The following INF2 variants were observed in gnomAD, a reference collection of about 807,000 sequenced individuals.
INF2 encodes the protein inverted formin 2.
INF2 carries 43 observed loss-of-function variants against 123.5 expected under a neutral mutation model. The ratio of observed to expected loss-of-function variants is 0.35; its 90% CI spans 0.27 to 0.45. The LOEUF (loss-of-function observed/expected upper bound fraction) is 0.45. Ranked by LOEUF, INF2 falls within the 20% of genes least tolerant of loss-of-function variation. The probability of loss-of-function intolerance (pLI) is 1.00; values close to 1 mark genes in which losing one functional copy is unlikely to be tolerated. For synonymous variants in INF2, 851 were observed against 745.0 expected, an observed-to-expected ratio of 1.14 and a Z score of -2.32; for missense variants, 1,453 against 1,682.7, an observed-to-expected ratio of 0.86 and a Z score of 2.39.
chr14:104,701,773 G>T lies in INF2; in HGVS notation c.391+17G>T. ...TCTCCCAGGGTGAGCCGCAGTGTGGGAGGGCCGCCCAGGCGGACGCTGGGG... is the reference window on the plus strand; with the variant it reads ...TCTCCCAGGGTGAGCCGCAGTGTGGTAGGGCCGCCCAGGCGGACGCTGGGG... On this transcript the variant is annotated intron_variant, in intron 2 of 22. Coordinates refer to ENST00000392634, the MANE Select transcript of INF2 (RefSeq NM_022489.4). 6.8e-7 allele frequency: 1 copy of T among 1,478,494 alleles called. No homozygotes were observed. The allele number at this position is 1,478,494 out of a possible 1,614,324, so 91.6% of individuals were successfully genotyped here.
At chr14:104,695,605 C>CCAGTGACCCCTCCTCT (rs1889155196) in intron 1 of INF2, among the ~76,000 whole-genome samples, 1 of 152,164 alleles carries the variant, frequency 6.6e-6, no homozygotes, top group Non-Finnish European at 1.5e-5. Flanking sequence ...ACCCCTCCTC[C>CCAGTGACCCCTCCTCT]CAGTGAGCCG....
chr14:104,681,441 C>T (rs1041399729), exon 1 of INF2: 2 of 589,554 alleles, frequency 3.4e-6, no homozygotes, highest in African/African-American at 3.8e-5. Flanking sequence ...AGAGCTGGGG[C>T]AGCGTCTAGG....
intron 22 of INF2, 129 bp from the exon 23 acceptor site, chr14:104,718,666 C>T (rs1215755482): frequency 8.0e-6 from 12 of 1,496,154 alleles, no homozygotes; most frequent in South Asian, 6.2e-5. Context: ...AGTGGACCTG[C>T]GATGCATGGC....
chr14:104,717,406 G>A (rs1179996729), intron 22 of INF2, among the ~76,000 whole-genome samples: 2 of 151,880 alleles, frequency 1.3e-5, no homozygotes, highest in Non-Finnish European at 2.9e-5. Flanking sequence ...GGCGCTTCAC[G>A]TCCACATGCT....
At chr14:104,695,971 T>C (rs1033752561) in intron 1 of INF2, among the ~76,000 whole-genome samples, 15 of 152,218 alleles carry the variant, frequency 9.9e-5, no homozygotes, top group African/African-American at 3.4e-4. Flanking sequence ...TTGATCATTT[T>C]GCTTGCTTTC....
In INF2 at chr14:104,714,595, G is replaced by T. The variant is rs1181929116; in HGVS notation, c.3433G>T (p.Ala1145Ser). 1 of 1,612,618 alleles carries T rather than the reference G, an allele frequency of 6.2e-7. No homozygotes were observed. The highest frequency in any genetic ancestry group is 1.7e-5 in the Admixed American group (1 of 60,024). ...TSLLGVLQAE[A>S]DSTSEGLEDA... ...CTTGCTGGGCGTCCTCCAGGCCGAG[G>T]CCGACAGCACAAGTGAGGGGCTGGA... is the stretch of plus-strand genomic sequence containing the variant. Residue 1145 changes from alanine (A) to serine (S), a missense_variant, in exon 21 of 23, where the codon GCC becomes TCC. Physicochemically the swap from Ala to Ser is moderately conservative, Grantham distance 99 (BLOSUM62 1). Transcript: ENST00000392634.
chr14:104,700,064 C>T (rs1232211804), intron 1 of INF2, among the ~76,000 whole-genome samples: 1 of 152,116 alleles, frequency 6.6e-6, no homozygotes, highest in Non-Finnish European at 1.5e-5. Flanking sequence ...TCTCCCAAGG[C>T]AGGAGGGGAG....
upstream of INF2, among the ~76,000 whole-genome samples, chr14:104,688,392 C>T (rs1888749613): frequency 6.6e-6 from 1 of 152,224 alleles, no homozygotes. Context: ...ACGCAGCTGG[C>T]CTCAAAGCAG....
chr14:104,716,966 A>G (rs111773855), intron 22 of INF2, among the ~76,000 whole-genome samples: 1,740 of 152,352 alleles, frequency 0.011, 36 homozygotes, highest in African/African-American at 0.04. Flanking sequence ...TGCTGGGATT[A>G]CAGGCGTGAG....
chr14:104,721,627 C>T lies in INF2; in HGVS notation c.*2834C>T, dbSNP rs1013761304. 1 of 153,322 alleles carries T rather than the reference C, an allele frequency of 6.5e-6. No individual in the cohort carries two copies. Among genetic ancestry groups the T allele is most frequent in the Non-Finnish European group, 1.5e-5 (1 of 68,776 alleles). 9.5% of individuals were successfully genotyped at this position (153,322 alleles called of 1,614,324 possible). A position where few individuals can be genotyped will look rare whatever the true frequency, so the allele number is the denominator to read the frequency against. On this transcript the variant is annotated 3_prime_UTR_variant, in exon 23 of 23. Transcript: ENST00000392634. The stretch of plus-strand genomic sequence containing the variant: ...GTTAAATAGCTCCACTCCTCCCCCT[C>T]CCCACCCTCCACAGAACTGCCAGTA...
chr14:104,718,423 C>T (rs1235754409), intron 22 of INF2, among the ~76,000 whole-genome samples: 4 of 150,740 alleles, frequency 2.7e-5, no homozygotes, highest in East Asian at 3.9e-4. Context: ...CAGGGCCCGA[C>T]GTGGAAGCAA....
At chr14:104,682,365 A>G (rs1354552648) in intron 1 of INF2, among the ~76,000 whole-genome samples, 1 of 152,164 alleles carries the variant, frequency 6.6e-6, no homozygotes, top group Non-Finnish European at 1.5e-5. Flanking sequence ...CTCAGGAGCA[A>G]ATGGATTCCT....
chr14:104,682,933 C>T (rs143025950), intron 1 of INF2, among the ~76,000 whole-genome samples: 3,911 of 152,106 alleles, frequency 0.026, 182 homozygotes, highest in African/African-American at 0.088. Flanking sequence ...CTGGGGCCTC[C>T]GCAATGTTGG....
At chr14:104,715,989 G>T (rs1259410606) in intron 22 of INF2, 1 of 455,726 alleles carries the variant, frequency 2.2e-6, no homozygotes. Flanking sequence ...GTCTTCTGGG[G>T]GGCGACCAGC....
At chr14:104,705,939 G>A (rs1595169247) in intron 5 of INF2, 96 bp from the exon 6 acceptor site, 1 of 1,481,766 alleles carries the variant, frequency 6.7e-7, no homozygotes, top group East Asian at 2.4e-5. Flanking sequence ...CAGGTGGGCT[G>A]AGCGGGGCTG....
chr14:104,688,779 G>A (rs1888772894), upstream of INF2, among the ~76,000 whole-genome samples: 1 of 152,216 alleles, frequency 6.6e-6, no homozygotes. Context: ...CTGGTGCGCT[G>A]CTTCCTGCAG....
At position 104,714,713 on chromosome 14, in the gene INF2, C is replaced by T; in HGVS notation, c.3551C>T (p.Ala1184Val). The T allele has an allele frequency of 6.2e-7, 1 of 1,609,092 alleles. No individual in the cohort carries two copies. Residue 1184 changes from alanine to valine, a missense_variant, in exon 21 of 23, where the codon GCA (alanine) becomes GTA (valine). Ala to Val is a moderately conservative substitution (Grantham distance 64, BLOSUM62 0). Transcript: ENST00000392634. ...EDEEDTAPES[A>V]LDTSLDKSFS... Reference sequence around the variant, plus strand: ...GAGGAGGACACGGCCCCAGAGTCCGCACTGGACACATCCCTGGACAAGTCC... The same window carrying T: ...GAGGAGGACACGGCCCCAGAGTCCGTACTGGACACATCCCTGGACAAGTCC...
intron 8 of INF2, 134 bp from the exon 9 acceptor site, chr14:104,708,302 G>A: frequency 8.5e-7 from 1 of 1,182,036 alleles, no homozygotes. Flanking sequence ...GGTGCCTGCT[G>A]TACGCTGGAC....
chr14:104,717,939 G>A (rs1184756221), intron 22 of INF2, among the ~76,000 whole-genome samples: 2 of 152,110 alleles, frequency 1.3e-5, no homozygotes, highest in African/African-American at 4.8e-5. Context: ...CACTGCCACT[G>A]CCGTGCATTT....
Sources: gnomAD v4.1 joint callset for allele counts (sites outside exome capture counted in the v4.1 genomes callset) on GRCh38, gnomAD v4.1.1 for gene constraint, MANE v1.5 for transcripts, NCBI Gene and HGNC (gene_info 2026-07-23, HGNC 2026-07-21) for gene names.